The following CMIP variants were observed in gnomAD, a reference collection of about 807,000 sequenced individuals.
The protein encoded by CMIP is c-Maf inducing protein, also known as C-Maf-inducing protein.
Under a neutral mutation model 97.3 loss-of-function variants are expected in CMIP, and 13 were observed. That is an observed-to-expected ratio of 0.13 (90% CI 0.09 to 0.21). CMIP has a LOEUF of 0.21. Ranked by LOEUF, CMIP falls within the 10% of genes least tolerant of loss-of-function variation. The pLI is 1.00. For missense variants in CMIP, 847 were observed against 1,024.9 expected (o/e 0.83, Z 2.37); for synonymous variants, 538 against 436.3 (o/e 1.23, Z -2.91).
intron 10 of CMIP, 99 bp downstream of exon 10, chr16:81,678,727 GC>G (rs1241213586): frequency 6.7e-5 from 42 of 628,804 alleles, no homozygotes; most frequent in African/African-American, 3.7e-5. Context: ...GCTACGCAGG[GC>G]CGGGCATGGT....
At chr16:81,637,915 A>G (rs1189824580) in intron 3 of CMIP, among the ~76,000 whole-genome samples, 1 of 152,084 alleles carries the variant, frequency 6.6e-6, no homozygotes, top group Non-Finnish European at 1.5e-5. Flanking sequence ...TGTGTCTCAC[A>G]TGGGAAGGGG....
intron 1 of CMIP, among the ~76,000 whole-genome samples, chr16:81,526,776 C>T (rs539097102): frequency 1.3e-5 from 2 of 152,318 alleles, no homozygotes; most frequent in Admixed American, 1.3e-4. Context: ...AGTGAAGGCC[C>T]CAGCCCGCCA....
chr16:81,474,097 T>C (rs544535262), intron 1 of CMIP, among the ~76,000 whole-genome samples: 2 of 152,132 alleles, frequency 1.3e-5, no homozygotes, highest in East Asian at 3.9e-4. Context: ...GTGCCCATGT[T>C]CCTGTGTGGC....
intron 2 of CMIP, chr16:81,611,303 C>A (rs1476332788): frequency 6.6e-6 from 1 of 152,274 alleles, no homozygotes; most frequent in Non-Finnish European, 1.5e-5. Context: ...ACCTGAGCCC[C>A]TCCTGGGGCG....
chr16:81,622,487 A>G (rs2092005603), intron 3 of CMIP, among the ~76,000 whole-genome samples: 1 of 152,078 alleles, frequency 6.6e-6, no homozygotes, highest in Non-Finnish European at 1.5e-5. Flanking sequence ...AAAGCAGTTG[A>G]GAGGGAGGAC....
intron 1 of CMIP, among the ~76,000 whole-genome samples, chr16:81,602,910 A>G (rs2091680963): frequency 3.3e-5 from 5 of 152,134 alleles, no homozygotes; most frequent in Admixed American, 1.3e-4. Flanking sequence ...AATCCCAGCG[A>G]TAGGAAAGTA....
chr16:81,701,627 G>A (rs185176037), intron 15 of CMIP, 33 bp from the exon 16 acceptor site: 8 of 1,613,352 alleles, frequency 5.0e-6, no homozygotes, highest in African/African-American at 1.3e-5. Context: ...GTGGCAGGCC[G>A]GGTCCGTAAT....
intron 3 of CMIP, among the ~76,000 whole-genome samples, chr16:81,634,594 G>A (rs1229979961): frequency 6.6e-6 from 1 of 152,158 alleles, no homozygotes. Flanking sequence ...AGAGTCTGCC[G>A]CACGAGTGTC....
At chr16:81,500,948 A>G (rs2089599042) in intron 1 of CMIP, among the ~76,000 whole-genome samples, 1 of 152,238 alleles carries the variant, frequency 6.6e-6, no homozygotes, top group Non-Finnish European at 1.5e-5. Flanking sequence ...AACCCAGGAT[A>G]TGAGAAATCA....
At chr16:81,488,223 G>T (rs570763789) in intron 1 of CMIP, among the ~76,000 whole-genome samples, 1 of 152,188 alleles carries the variant, frequency 6.6e-6, no homozygotes, top group South Asian at 2.1e-4. Flanking sequence ...GAGAGAGTGC[G>T]ACCGTAGGGG....
intron 14 of CMIP, among the ~76,000 whole-genome samples, 159 bp from the exon 15 acceptor site, chr16:81,699,526 C>G (rs781712110): frequency 1.3e-5 from 2 of 152,176 alleles, no homozygotes; most frequent in Non-Finnish European, 2.9e-5. Flanking sequence ...GGAGGGGTTT[C>G]TTGCATCCCC....
chr16:81,701,468 G>T (rs576322641), intron 15 of CMIP, among the ~76,000 whole-genome samples, 192 bp from the exon 16 acceptor site: 1 of 152,344 alleles, frequency 6.6e-6, no homozygotes, highest in African/African-American at 2.4e-5. Context: ...GAACCTCAGT[G>T]CGTGGTCACT....
intron 1 of CMIP, among the ~76,000 whole-genome samples, chr16:81,480,720 A>T (rs927141148): frequency 7.9e-5 from 12 of 152,208 alleles, no homozygotes; most frequent in Non-Finnish European, 2.9e-5. Flanking sequence ...GCTGTATGCC[A>T]GGCACTGATT....
intron 1 of CMIP, among the ~76,000 whole-genome samples, chr16:81,531,355 C>T (rs1334609898): frequency 6.6e-6 from 1 of 152,184 alleles, no homozygotes; most frequent in Non-Finnish European, 1.5e-5. Flanking sequence ...GGAAATCAAC[C>T]CTGTTGACAT....
chr16:81,491,909 T>C (rs2089412223), intron 1 of CMIP, among the ~76,000 whole-genome samples: 1 of 152,244 alleles, frequency 6.6e-6, no homozygotes, highest in Non-Finnish European at 1.5e-5. Context: ...GATGACGTTT[T>C]ACCTAGTCTT....
intron 1 of CMIP, among the ~76,000 whole-genome samples, chr16:81,547,750 TGAA>T (rs2090575165): frequency 3.3e-5 from 5 of 152,020 alleles, no homozygotes; most frequent in African/African-American, 7.3e-5. Flanking sequence ...AAGTGCAAGA[TGAA>T]GAAGAATTGG....
intron 17 of CMIP, among the ~76,000 whole-genome samples, 160 bp downstream of exon 17, chr16:81,702,829 C>G (rs903186772): frequency 3.3e-5 from 5 of 152,016 alleles, no homozygotes; most frequent in Non-Finnish European, 7.4e-5. Context: ...CAGGAGGTAG[C>G]TGGGTTACAG....
At chr16:81,505,143 A>G (rs1046771588) in intron 1 of CMIP, among the ~76,000 whole-genome samples, 2 of 152,216 alleles carry the variant, frequency 1.3e-5, no homozygotes, top group African/African-American at 2.4e-5. Flanking sequence ...CCGTCTCAAC[A>G]TGTGCTTCTG....
Position 81,710,280 on chromosome 16 carries a change from C to G in CMIP, c.*481C>G, listed in dbSNP as rs945652472. The G allele has an allele frequency of 5.0e-5, 9 of 180,552 alleles. No homozygotes were observed. Among genetic ancestry groups the G allele is most frequent in the Non-Finnish European group, 6.0e-5 (5 of 83,884 alleles). The allele number at this position is 180,552 out of a possible 1,614,324, so 11.2% of individuals were successfully genotyped here. On this transcript the variant is annotated 3_prime_UTR_variant, in exon 21 of 21. Transcript: ENST00000537098. ...ACCCAGTCACATCACTGCACCCGTC[C>G]TGTGTCCTCACCATTGCTATGCAAA...
Sources: allele counts gnomAD v4.1 joint callset (sites outside exome capture counted in the v4.1 genomes callset), GRCh38; gene constraint gnomAD v4.1.1; transcripts MANE v1.5; gene names NCBI Gene and HGNC (gene_info 2026-07-23, HGNC 2026-07-21).